Variants in MACROD2 observed in about 807,000 individuals in gnomAD.
MACROD2 encodes the protein ADP-ribose glycohydrolase MACROD2.
A neutral mutation model predicts 70.4 loss-of-function variants in MACROD2; 36 were observed. That is an observed-to-expected ratio of 0.51 (90% CI 0.39 to 0.68). The LOEUF (loss-of-function observed/expected upper bound fraction) is 0.68, where lower values mean the gene tolerates loss of function less well. Among genes scored for constraint, MACROD2 ranks in the 30% least tolerant of loss-of-function variants. MACROD2 has a pLI of 0.00. For synonymous variants in MACROD2, 172 were observed against 178.8 expected, an observed-to-expected ratio of 0.96 and a Z score of 0.30; for missense variants, 496 against 538.4, an observed-to-expected ratio of 0.92 and a Z score of 0.78.
At chr20:14,163,546 ACT>A (rs1161085599) in intron 3 of MACROD2, among the ~76,000 whole-genome samples, 4 of 151,328 alleles carry the variant, frequency 2.6e-5, no homozygotes, top group Non-Finnish European at 4.4e-5. Flanking sequence ...AGGTTTTCTG[ACT>A]CTCTCATTTT....
intron 6 of MACROD2, among the ~76,000 whole-genome samples, chr20:15,398,740 T>C (rs73901017): frequency 0.055 from 8,419 of 152,256 alleles, 622 homozygotes; most frequent in African/African-American, 0.17. Flanking sequence ...GGATGGCTGC[T>C]GCAGTTCCAG....
At chr20:14,786,204 T>TAGAGAG (rs11474711) in intron 5 of MACROD2, among the ~76,000 whole-genome samples, 2,704 of 135,394 alleles carry the variant, frequency 0.02, 56 homozygotes, top group Middle Eastern at 0.046. Context: ...CAGAGAAAGA[T>TAGAGAG]AGAGAGAGAG....
chr20:15,850,815 C>T (rs2064288979), intron 8 of MACROD2, among the ~76,000 whole-genome samples: 1 of 152,172 alleles, frequency 6.6e-6, no homozygotes, highest in Non-Finnish European at 1.5e-5. Context: ...CCAATCTCAA[C>T]AAATCTGTTG....
At chr20:15,543,549 T>C (rs1438022208) in intron 8 of MACROD2, among the ~76,000 whole-genome samples, 1 of 151,756 alleles carries the variant, frequency 6.6e-6, no homozygotes, top group African/African-American at 2.4e-5. Context: ...CTACAGAGAA[T>C]AGAAACTTTT....
intron 3 of MACROD2, among the ~76,000 whole-genome samples, chr20:14,356,471 T>C (rs1378625711): frequency 2.0e-5 from 3 of 150,022 alleles, no homozygotes; most frequent in Admixed American, 6.6e-5. Flanking sequence ...CTGAGATGGC[T>C]CACCTGGGGG....
intron 4 of MACROD2, among the ~76,000 whole-genome samples, chr20:14,643,178 A>G (rs1235627995): frequency 6.6e-6 from 1 of 152,118 alleles, no homozygotes; most frequent in Non-Finnish European, 1.5e-5. Flanking sequence ...TTGCTGCCCA[A>G]TGTCATATCC....
intron 5 of MACROD2, among the ~76,000 whole-genome samples, chr20:15,023,347 C>A (rs1286974037): frequency 6.6e-6 from 1 of 152,120 alleles, no homozygotes; most frequent in African/African-American, 2.4e-5. Context: ...ATAGATTCCC[C>A]CTATGGAGAA....
intron 4 of MACROD2, among the ~76,000 whole-genome samples, chr20:14,569,939 G>A (rs1980076326): frequency 6.6e-6 from 1 of 151,966 alleles, no homozygotes; most frequent in South Asian, 2.1e-4. Context: ...GCTGTTGGAA[G>A]TTCTACCACA....
At chr20:14,944,999 C>A (rs563273703) in intron 5 of MACROD2, among the ~76,000 whole-genome samples, 1 of 152,156 alleles carries the variant, frequency 6.6e-6, no homozygotes, top group Non-Finnish European at 1.5e-5. Context: ...TTTTCCTGCA[C>A]AAATCCAGCC....
intron 3 of MACROD2, among the ~76,000 whole-genome samples, chr20:14,460,376 C>G (rs191196461): frequency 7.9e-5 from 12 of 152,208 alleles, no homozygotes; most frequent in Admixed American, 5.9e-4. Flanking sequence ...TCCACATCCT[C>G]TCCAGCATCT....
At chr20:15,253,373 A>G (rs1405850927) in intron 6 of MACROD2, among the ~76,000 whole-genome samples, 1 of 152,190 alleles carries the variant, frequency 6.6e-6, no homozygotes, top group East Asian at 1.9e-4. Context: ...TCTATAGTTC[A>G]GAAGATTGAT....
At chr20:13,999,501 A>G (rs1426205538) in intron 1 of MACROD2, among the ~76,000 whole-genome samples, 1 of 152,202 alleles carries the variant, frequency 6.6e-6, no homozygotes, top group Non-Finnish European at 1.5e-5. Flanking sequence ...AATTCTCACA[A>G]CAACCCTATG....
chr20:14,284,734 A>G (rs948328896), intron 3 of MACROD2, among the ~76,000 whole-genome samples: 1 of 152,202 alleles, frequency 6.6e-6, no homozygotes. Flanking sequence ...CATTTCTTAA[A>G]TTCTATGAGT....
At chr20:14,171,492 CTA>C (rs1296721116) in intron 3 of MACROD2, among the ~76,000 whole-genome samples, 2 of 152,084 alleles carry the variant, frequency 1.3e-5, no homozygotes, top group Non-Finnish European at 2.9e-5. Flanking sequence ...GACTTTCCTC[CTA>C]GTGCCATTTT....
chr20:15,815,147 C>A (rs1438804495), intron 8 of MACROD2, among the ~76,000 whole-genome samples: 1 of 152,168 alleles, frequency 6.6e-6, no homozygotes, highest in Non-Finnish European at 1.5e-5. Flanking sequence ...GCTTCAAGTG[C>A]TGGACATGGA....
At chr20:15,010,454 G>C (rs570289633) in intron 5 of MACROD2, among the ~76,000 whole-genome samples, 5 of 152,260 alleles carry the variant, frequency 3.3e-5, no homozygotes, top group African/African-American at 1.2e-4. Context: ...GCCGTGGTAG[G>C]CACTCCTAAA....
intron 8 of MACROD2, among the ~76,000 whole-genome samples, chr20:15,529,897 G>A (rs903037208): frequency 1.3e-5 from 2 of 152,206 alleles, no homozygotes; most frequent in Non-Finnish European, 2.9e-5. Context: ...AAGGGCCACG[G>A]TGTGTATTCA....
chr20:15,022,157 G>T (rs1199592612), intron 5 of MACROD2, among the ~76,000 whole-genome samples: 1 of 151,986 alleles, frequency 6.6e-6, no homozygotes, highest in African/African-American at 2.4e-5. Context: ...GAATTACCTT[G>T]AATATGGTGA....
chr20:14,517,863 T>A (rs1354444897), intron 4 of MACROD2, among the ~76,000 whole-genome samples: 1 of 152,180 alleles, frequency 6.6e-6, no homozygotes, highest in Non-Finnish European at 1.5e-5. Context: ...GGGCTCTTTT[T>A]TTTTAACCAA....
Sources: allele counts gnomAD v4.1 joint callset (sites outside exome capture counted in the v4.1 genomes callset), GRCh38; gene constraint gnomAD v4.1.1; transcripts MANE v1.5; gene names NCBI Gene and HGNC (gene_info 2026-07-23, HGNC 2026-07-21).